The following CTSZ variants were observed in gnomAD, a reference collection of about 807,000 sequenced individuals.
The protein encoded by CTSZ is carboxypeptidase LB.
CTSZ carries 39 observed loss-of-function variants against 32.4 expected under a neutral mutation model. The ratio of observed to expected loss-of-function variants is 1.20; its 90% CI spans 0.93 to 1.57. The LOEUF is 1.57. CTSZ is among the 40% of genes most tolerant of loss of function. CTSZ has a pLI of 0.00. For synonymous variants in CTSZ, 168 were observed against 170.1 expected (o/e 0.99, Z 0.10); for missense variants, 397 against 419.6 (o/e 0.95, Z 0.47).
At chr20:58,998,835 CCTGT>C (rs1053980461) in intron 3 of CTSZ, among the ~76,000 whole-genome samples, 10 of 152,372 alleles carry the variant, frequency 6.6e-5, no homozygotes, top group African/African-American at 1.4e-4. Flanking sequence ...TTTGGCGCGA[CCTGT>C]CTGTCATAGT....
rs374736069 is a variant in CTSZ at position 59,001,528 on chromosome 20, C to T, written c.424G>A (p.Asp142Asn). 2 of 1,614,164 alleles carry T rather than the reference C, an allele frequency of 1.2e-6. No homozygotes were observed. The highest frequency in any genetic ancestry group is 1.7e-6 in the Non-Finnish European group (2 of 1,179,990). The change falls in exon 3 of 6, where the codon GAC (aspartate) becomes AAC (asparagine). Residue 142 changes from aspartate to asparagine, a missense_variant. By Grantham distance (23) the Asp-to-Asn change is conservative. Transcript: ENST00000217131. ...GGGATGCCGTGCTGGTGGGCGTAGT[C>T]CCACACGGACAGGTCATTACCCCCT... ...CEGGNDLSVWDYAHQHGIPDE... is the reference protein window; with the variant it reads ...CEGGNDLSVWNYAHQHGIPDE...
chr20:59,005,075 G>A (rs1253794543), intron 2 of CTSZ, among the ~76,000 whole-genome samples: 1 of 151,998 alleles, frequency 6.6e-6, no homozygotes, highest in Non-Finnish European at 1.5e-5. Flanking sequence ...TGCCAGGCCT[G>A]GACACTTCCC....
chr20:59,001,513 G>A lies in CTSZ; in HGVS notation c.439C>T (p.His147Tyr). The change falls in exon 3 of 6, where the codon CAC becomes TAC. Residue 147 changes from histidine (H) to tyrosine (Y), a missense_variant. Physicochemically the swap from His to Tyr is moderately conservative, Grantham distance 83 (BLOSUM62 2). Transcript: ENST00000217131. ...DLSVWDYAHQ[H>Y]GIPDETCNNY... ...TTGCAGGTCTCGTCAGGGATGCCGT[G>A]CTGGTGGGCGTAGTCCCACACGGAC... is the stretch of plus-strand genomic sequence containing the variant. 1 of 1,614,082 alleles carries A rather than the reference G, an allele frequency of 6.2e-7. No individual in the cohort carries two copies. Among genetic ancestry groups the A allele is most frequent in the Non-Finnish European group, 8.5e-7 (1 of 1,179,922 alleles).
Position 58,997,656 on chromosome 20 carries a change from G to A in CTSZ, c.585C>T (p.Ser195=). Residue 195 remains serine, a synonymous_variant, in exon 4 of 6, where the codon TCC becomes TCT. Transcript: ENST00000217131. Reference sequence around the variant, plus strand: ...CCATCATCTTCTCCCTCCCAGAGAGGGAGCCGTAGTCTCCCACCCTCCAGA... The same window carrying A: ...CCATCATCTTCTCCCTCCCAGAGAGAGAGCCGTAGTCTCCCACCCTCCAGA... ...YTLWRVGDYG[S]LSGREKMMAE... 1.9e-6 allele frequency: 3 copies of A among 1,608,540 alleles called. No homozygotes were observed. Among genetic ancestry groups the A allele is most frequent in the Non-Finnish European group, 2.5e-6 (3 of 1,177,436 alleles).
At position 58,997,631 on chromosome 20, in the gene CTSZ, C is replaced by A. The variant is rs1421525404; in HGVS notation, c.610G>T (p.Ala204Ser). ...GSLSGREKMM[A>S]EIYANGPISC... is the part of the protein sequence containing the mutation. ...ATGGGACCATTTGCATAGATTTCTG[C>A]CATCATCTTCTCCCTCCCAGAGAGG... Residue 204 changes from alanine (A) to serine (S), a missense_variant, in exon 4 of 6, where the codon GCA (alanine) becomes TCA (serine). Physicochemically the swap from Ala to Ser is moderately conservative, Grantham distance 99. Coordinates refer to ENST00000217131, the MANE Select transcript of CTSZ (RefSeq NM_001336.4). 2 of 1,602,516 alleles carry A rather than the reference C, an allele frequency of 1.2e-6. No individual in the cohort carries two copies. Among genetic ancestry groups the A allele is most frequent in the Admixed American group, 1.7e-5 (1 of 58,088 alleles).
In CTSZ at chr20:59,004,359, G is replaced by A. The variant is rs1028980896; in HGVS notation, c.307+1963C>T. Among the ~76,000 whole-genome samples, 23 of 152,110 alleles carry A rather than the reference G, an allele frequency of 1.5e-4. No individual in the cohort carries two copies. The highest frequency in any genetic ancestry group is 5.3e-4 in the African/African-American group (22 of 41,412). The stretch of plus-strand genomic sequence containing the variant: ...GAGGGGAAGGAGTGGCCAGGGAGGT[G>A]GAGGCGGGCAGTATGGTGCAGGAGA... On this transcript the variant is annotated intron_variant, in intron 2 of 5. Coordinates refer to ENST00000217131, the MANE Select transcript of CTSZ (RefSeq NM_001336.4). The surrounding 1 kb of genome is among the most constrained non-coding windows in gnomAD (Gnocchi z 5.6).
chr20:58,996,645 T>G lies in CTSZ; in HGVS notation c.795A>C (p.Glu265Asp). 6.2e-7 allele frequency: 1 copy of G among 1,613,988 alleles called. No individual in the cohort carries two copies. Among genetic ancestry groups the G allele is most frequent in the Non-Finnish European group, 8.5e-7 (1 of 1,179,900 alleles). ...GAAAATGAAAACATCTTACCCATGGTTCACCCCATGAATTCCGGACAATCC... is the reference window on the plus strand; with the variant it reads ...GAAAATGAAAACATCTTACCCATGGGTCACCCCATGAATTCCGGACAATCC... ...EYWIVRNSWGEPWGERGWLRI... is the reference protein window; with the variant it reads ...EYWIVRNSWGDPWGERGWLRI... The change falls in exon 5 of 6, where the codon GAA becomes GAC. Residue 265 changes from glutamate to aspartate, a missense_variant. Transcript: ENST00000217131.
rs777419758 is a variant in CTSZ, at chr20:59,001,585, C to A, written c.367G>T (p.Val123Phe). The change falls in exon 3 of 6, where the codon GTC becomes TTC. Residue 123 changes from valine to phenylalanine, a missense_variant. Transcript: ENST00000217131. ...GAGCCAGCGTTACCGCAGTCGATGACGTTCTGCACGGACAGGAGGGTGGAG... is the reference window on the plus strand; with the variant it reads ...GAGCCAGCGTTACCGCAGTCGATGAAGTTCTGCACGGACAGGAGGGTGGAG... ...WPSTLLSVQNVIDCGNAGSCE... is the reference protein window; with the variant it reads ...WPSTLLSVQNFIDCGNAGSCE... 6 of 1,614,070 alleles carry A rather than the reference C, an allele frequency of 3.7e-6. No homozygotes were observed. Among genetic ancestry groups the A allele is most frequent in the South Asian group, 1.1e-5 (1 of 91,094 alleles).
In CTSZ at chr20:58,996,815, G is replaced by A. The variant is rs1157298891; in HGVS notation, c.639-14C>T. 6.2e-7 allele frequency: 1 copy of A among 1,611,790 alleles called. No individual in the cohort carries two copies. Among genetic ancestry groups the A allele is most frequent in the East Asian group, 2.2e-5 (1 of 44,834 alleles). On this transcript the variant is annotated splice_polypyrimidine_tract_variant and intron_variant, in intron 4 of 5. Coordinates refer to ENST00000217131, the MANE Select transcript of CTSZ (RefSeq NM_001336.4). Reference sequence around the variant, plus strand: ...ATTATTCCACAGCTGAGAGCAAGCAGTTAAAGAATTACCACTTTTAAATTG... The same window carrying A: ...ATTATTCCACAGCTGAGAGCAAGCAATTAAAGAATTACCACTTTTAAATTG...
intron 3 of CTSZ, among the ~76,000 whole-genome samples, chr20:58,998,611 A>C (rs1457361512): frequency 6.7e-6 from 1 of 149,374 alleles, no homozygotes; most frequent in Non-Finnish European, 1.5e-5. Context: ...TAATCCCAGC[A>C]CTTCGGGAGG....
At chr20:59,000,828 ATTTTT>A (rs575057726) in intron 3 of CTSZ, among the ~76,000 whole-genome samples, 1 of 133,268 alleles carries the variant, frequency 7.5e-6, no homozygotes, top group Non-Finnish European at 1.6e-5. Context: ...CAGGGCCGGT[ATTTTT>A]TTTTTTTTTT....
chr20:58,997,724 A>G lies in CTSZ; in HGVS notation c.517T>C (p.Cys173Arg), dbSNP rs765842475. The G allele has an allele frequency of 3.7e-6, 6 of 1,609,482 alleles. No individual in the cohort carries two copies. The South Asian group carries it at 6.7e-5, about 18-fold the overall frequency. Residue 173 changes from cysteine (C) to arginine (R), a missense_variant, in exon 4 of 6, where the codon TGC (cysteine) becomes CGC (arginine). Cys to Arg is a radical substitution (Grantham distance 180, BLOSUM62 -3). Coordinates refer to ENST00000217131, the MANE Select transcript of CTSZ (RefSeq NM_001336.4). ...ECDKFNQCGT[C>R]NEFKECHAIR... ...GCGTGGCACTCTTTGAATTCATTGC[A>G]TGTCCCACATTGGTTAAACTTGTCA... is the stretch of plus-strand genomic sequence containing the variant.
Position 59,006,375 on chromosome 20 carries a change from A to T in CTSZ, c.254T>A (p.Ile85Asn). ...NYASITRNQH[I>N]PQYCGSCWAH... ...CCAGCAGGAGCCGCAGTATTGGGGG[A>T]TGTGCTGGTTCCGGGTGATGCTGGC... Residue 85 changes from isoleucine to asparagine, a missense_variant, in exon 2 of 6, where the codon ATC (isoleucine) becomes AAC (asparagine). Coordinates refer to ENST00000217131, the MANE Select transcript of CTSZ (RefSeq NM_001336.4). 1 of 1,613,780 alleles carries T rather than the reference A, an allele frequency of 6.2e-7. No individual in the cohort carries two copies. Among genetic ancestry groups the T allele is most frequent in the Non-Finnish European group, 8.5e-7 (1 of 1,179,988 alleles).
chr20:59,006,575 C>T, intron 1 of CTSZ, 90 bp from the exon 2 acceptor site: 2 of 1,377,916 alleles, frequency 1.5e-6, no homozygotes, highest in Non-Finnish European at 2.0e-6. Context: ...TCCCGCCTTT[C>T]CCAACACCTG....
chr20:59,005,481 A>G (rs1276562590), intron 2 of CTSZ, among the ~76,000 whole-genome samples: 2 of 152,234 alleles, frequency 1.3e-5, no homozygotes, highest in Non-Finnish European at 2.9e-5. Context: ...ACGCAAACGC[A>G]TGTCCCCCAG....
chr20:58,998,598 C>T (rs2091873139), intron 3 of CTSZ, among the ~76,000 whole-genome samples: 1 of 151,882 alleles, frequency 6.6e-6, no homozygotes, highest in Non-Finnish European at 1.5e-5. Context: ...TGGCTCACAC[C>T]TGTAATCCCA....
At chr20:58,995,809 C>A (rs1394021742) in intron 5 of CTSZ, 50 bp from the exon 6 acceptor site, 9 of 1,534,256 alleles carry the variant, frequency 5.9e-6, no homozygotes, top group Non-Finnish European at 8.1e-6. Flanking sequence ...GTCTCCCGCT[C>A]CCCTTGCTGC....
intron 5 of CTSZ, among the ~76,000 whole-genome samples, chr20:58,996,307 CCT>C (rs1432668313): frequency 6.6e-6 from 1 of 152,154 alleles, no homozygotes; most frequent in Non-Finnish European, 1.5e-5. Flanking sequence ...TGGCAGAGCC[CCT>C]CTCCAGCAGT....
At chr20:59,001,371 AGCACGGGGTC>A in intron 3 of CTSZ, 84 bp downstream of exon 3, 1 of 1,381,708 alleles carries the variant, frequency 7.2e-7, no homozygotes, top group South Asian at 1.4e-5. Context: ...CAATGTGAGG[AGCACGGGGTC>A]AGGCTGGGTC....
Sources: allele counts gnomAD v4.1 joint callset (sites outside exome capture counted in the v4.1 genomes callset), GRCh38; gene constraint gnomAD v4.1.1; non-coding constraint Gnocchi (gnomAD v3.1); transcripts MANE v1.5; gene names NCBI Gene and HGNC (gene_info 2026-07-23, HGNC 2026-07-21).